Variants in SDK1 observed in about 807,000 individuals in gnomAD.
The protein encoded by SDK1 is protein sidekick-1.
Under a neutral mutation model 245.5 loss-of-function variants are expected in SDK1, and 157 were observed. That is an observed-to-expected ratio of 0.64 (90% CI 0.56 to 0.73). The LOEUF (loss-of-function observed/expected upper bound fraction) is 0.73. SDK1 is among the 30% of genes least tolerant of loss of function. SDK1 has a pLI of 0.00. For missense variants in SDK1, 3,583 were observed against 3,002.3 expected, an observed-to-expected ratio of 1.19 and a Z score of -4.52; for synonymous variants, 1,647 against 1,278.5, an observed-to-expected ratio of 1.29 and a Z score of -6.15.
rs112325605 is a variant in SDK1 at position 3,995,563 on chromosome 7, A to G, written c.2131+8241A>G. Among the ~76,000 whole-genome samples, 80 of 152,372 alleles carry G rather than the reference A, an allele frequency of 5.3e-4. 1 individual carries two copies. Among genetic ancestry groups the G allele is most frequent in the African/African-American group, 1.8e-3 (76 of 41,598 alleles). ...TTTAGGGCACCAGCAAAGGCAAGAC[A>G]GCAACACTAATGCAACTATCTAGAA... On this transcript the variant is annotated intron_variant, in intron 14 of 44. Coordinates refer to ENST00000404826, the MANE Select transcript of SDK1 (RefSeq NM_152744.4).
chr7:3,955,295 T>C (rs1025271619), intron 7 of SDK1, among the ~76,000 whole-genome samples: 37 of 152,134 alleles, frequency 2.4e-4, no homozygotes, highest in African/African-American at 8.9e-4. Context: ...CCCTGGCTCA[T>C]CTCCAGAGCC....
chr7:3,702,484 C>T (rs889216681), intron 4 of SDK1, among the ~76,000 whole-genome samples: 2 of 152,216 alleles, frequency 1.3e-5, no homozygotes, highest in Non-Finnish European at 2.9e-5. Context: ...AAGCACCCCT[C>T]TCCCCCTCCA....
chr7:3,716,299 A>T (rs1424948245), intron 4 of SDK1, among the ~76,000 whole-genome samples: 3 of 152,210 alleles, frequency 2.0e-5, no homozygotes, highest in African/African-American at 7.2e-5. Context: ...TACAGATTCA[A>T]GAAGCTGAAT....
chr7:4,023,894 A>G (rs1273480773), intron 17 of SDK1, among the ~76,000 whole-genome samples: 3 of 152,246 alleles, frequency 2.0e-5, no homozygotes, highest in African/African-American at 7.2e-5. Flanking sequence ...ATAAAATGTA[A>G]TCGATTACAG....
chr7:4,265,646 T>G lies in SDK1; in HGVS notation c.*262T>G. ...GAGAAGGTGTATTTCACTGGTGCAATGGCTTGGCACCTCCGGGGCCTGGGA... is the reference window on the plus strand; with the variant it reads ...GAGAAGGTGTATTTCACTGGTGCAAGGGCTTGGCACCTCCGGGGCCTGGGA... On this transcript the variant is annotated 3_prime_UTR_variant, in exon 45 of 45. Coordinates refer to ENST00000404826, the MANE Select transcript of SDK1 (RefSeq NM_152744.4). The G allele has an allele frequency of 7.9e-7, 1 of 1,267,062 alleles. No individual in the cohort carries two copies. Among genetic ancestry groups the G allele is most frequent in the Non-Finnish European group, 9.9e-7 (1 of 1,011,244 alleles). 78.5% of individuals were successfully genotyped at this position (1,267,062 alleles called of 1,614,324 possible). A position where few individuals can be genotyped will look rare whatever the true frequency, so the allele number is the denominator to read the frequency against.
chr7:3,991,197 C>T (rs1784285082), intron 14 of SDK1, among the ~76,000 whole-genome samples: 1 of 152,192 alleles, frequency 6.6e-6, no homozygotes, highest in Non-Finnish European at 1.5e-5. Flanking sequence ...CGACGAGGGA[C>T]AGCATCAGCA....
At chr7:3,486,853 G>C (rs1456522479) in intron 1 of SDK1, among the ~76,000 whole-genome samples, 1 of 152,018 alleles carries the variant, frequency 6.6e-6, no homozygotes, top group South Asian at 2.1e-4. Flanking sequence ...TTTGATAAGA[G>C]GGTGCATTAC....
chr7:3,364,778 T>A (rs933673965), intron 1 of SDK1, among the ~76,000 whole-genome samples: 1 of 152,222 alleles, frequency 6.6e-6, no homozygotes, highest in Non-Finnish European at 1.5e-5. Flanking sequence ...TCTTTTCAGA[T>A]AAATTTTAGC....
At chr7:3,541,528 T>C (rs965782478) in intron 1 of SDK1, among the ~76,000 whole-genome samples, 3 of 152,252 alleles carry the variant, frequency 2.0e-5, no homozygotes, top group Non-Finnish European at 4.4e-5. Flanking sequence ...TGATTTAATA[T>C]GTCAGTCCTT....
At chr7:4,114,926 TG>T (rs771699969) in intron 25 of SDK1, among the ~76,000 whole-genome samples, 1 of 152,162 alleles carries the variant, frequency 6.6e-6, no homozygotes, top group Non-Finnish European at 1.5e-5. Context: ...GGCTCAGTCA[TG>T]GGGCTCTGCC....
At chr7:3,493,457 C>A (rs1483070467) in intron 1 of SDK1, among the ~76,000 whole-genome samples, 3 of 152,192 alleles carry the variant, frequency 2.0e-5, no homozygotes, top group Non-Finnish European at 2.9e-5. Flanking sequence ...AATATTACTT[C>A]TAGTGTGGTG....
chr7:3,480,715 C>T (rs998550227), intron 1 of SDK1, among the ~76,000 whole-genome samples: 17 of 152,182 alleles, frequency 1.1e-4, no homozygotes, highest in African/African-American at 3.9e-4. Flanking sequence ...CCTGAATAAA[C>T]TGTTTTGGAA....
In SDK1 at chr7:3,641,883, C is replaced by T; in HGVS notation, c.566-75C>T. The T allele has an allele frequency of 4.9e-6, 6 of 1,215,164 alleles. No homozygotes were observed. The Admixed American group carries it at 1.2e-4, about 24-fold the overall frequency. The allele number at this position is 1,215,164 out of a possible 1,614,324, so 75.3% of individuals were successfully genotyped here. ...TCAGTGACTTTACTGTAACACTTACCTGTTTCCATCTGTGACCCCTTCCCT... is the reference window on the plus strand; with the variant it reads ...TCAGTGACTTTACTGTAACACTTACTTGTTTCCATCTGTGACCCCTTCCCT... On this transcript the variant is annotated intron_variant, in intron 3 of 44. Coordinates refer to ENST00000404826, the MANE Select transcript of SDK1 (RefSeq NM_152744.4).
In SDK1 at chr7:4,077,070, A is replaced by G. The variant is rs1457223519; in HGVS notation, c.3083A>G (p.His1028Arg). The change falls in exon 21 of 45, where the codon CAC becomes CGC. Residue 1028 changes from histidine (H) to arginine (R), a missense_variant. His to Arg is a conservative substitution (Grantham distance 29, BLOSUM62 0). Transcript: ENST00000404826. ...RLTHTLNSTT[H>R]EYKIQGLSSL... ...ACGCACACCCTGAACAGCACGACGC[A>G]CGAGTACAAGATCCAAGGCCTCTCA... 1 of 1,614,202 alleles carries G rather than the reference A, an allele frequency of 6.2e-7. No individual in the cohort carries two copies. Among genetic ancestry groups the G allele is most frequent in the Non-Finnish European group, 8.5e-7 (1 of 1,180,026 alleles).
chr7:3,692,931 T>C (rs1784475268), intron 4 of SDK1, among the ~76,000 whole-genome samples: 1 of 152,058 alleles, frequency 6.6e-6, no homozygotes, highest in Non-Finnish European at 1.5e-5. Flanking sequence ...ATCTTGGTAA[T>C]TTAATATTTT....
intron 37 of SDK1, among the ~76,000 whole-genome samples, chr7:4,208,740 A>G (rs1784369514): frequency 1.3e-5 from 2 of 152,128 alleles, no homozygotes; most frequent in Non-Finnish European, 2.9e-5. Context: ...TCTCAGGGCC[A>G]CAGACCACCC....
intron 1 of SDK1, among the ~76,000 whole-genome samples, chr7:3,507,288 A>C (rs7789656): frequency 0.23 from 34,750 of 152,102 alleles, 4,368 homozygotes; most frequent in East Asian, 0.33. Context: ...ATTCAGACAA[A>C]AACCAAGGGG....
At chr7:3,796,700 T>C (rs992462159) in intron 4 of SDK1, among the ~76,000 whole-genome samples, 1 of 152,234 alleles carries the variant, frequency 6.6e-6, no homozygotes, top group African/African-American at 2.4e-5. Context: ...TTCATTGTTT[T>C]TGATTTGTTT....
Position 3,640,590 on chromosome 7 carries a change from TAAG to T in SDK1, c.566-1363_566-1361del, listed in dbSNP as rs112334622. 8.1e-3 allele frequency among the ~76,000 whole-genome samples: 1,238 copies of T among 152,328 alleles called. 24 individuals carry two copies. Among genetic ancestry groups the T allele is most frequent in the African/African-American group, 0.028 (1,176 of 41,572 alleles). On this transcript the variant is annotated intron_variant, in intron 3 of 44. Transcript: ENST00000404826. ...GAAGACGAATACCTAAATTATATTT[TAAG>T]AAGAGCTTCAAAATTATTAAACTCT... is the stretch of plus-strand genomic sequence containing the variant.
Sources: allele counts gnomAD v4.1 joint callset (sites outside exome capture counted in the v4.1 genomes callset), GRCh38; gene constraint gnomAD v4.1.1; transcripts MANE v1.5; gene names NCBI Gene and HGNC (gene_info 2026-07-23, HGNC 2026-07-21).